The following VPS13B variants were observed in gnomAD, a reference collection of about 807,000 sequenced individuals.
The protein encoded by VPS13B is intermembrane lipid transfer protein VPS13B.
VPS13B carries 285 observed loss-of-function variants against 426.4 expected under a neutral mutation model. The ratio of observed to expected loss-of-function variants is 0.67; its 90% CI spans 0.61 to 0.74. VPS13B has a LOEUF of 0.74. Ranked by LOEUF, VPS13B falls within the 30% of genes least tolerant of loss-of-function variation. The pLI is 0.00. For synonymous variants in VPS13B, 1,676 were observed against 1,676.4 expected, an observed-to-expected ratio of 1.00 and a Z score of 0.01; for missense variants, 4,537 against 4,782.6, an observed-to-expected ratio of 0.95 and a Z score of 1.51.
At chr8:99,407,712 A>G (rs1476024657) in intron 21 of VPS13B, among the ~76,000 whole-genome samples, 1 of 151,898 alleles carries the variant, frequency 6.6e-6, no homozygotes, top group Admixed American at 6.6e-5. Flanking sequence ...GTACATGTGC[A>G]CAACGTGCAG....
intron 33 of VPS13B, among the ~76,000 whole-genome samples, chr8:99,620,745 G>A (rs1473379722): frequency 6.6e-6 from 1 of 151,878 alleles, no homozygotes; most frequent in East Asian, 1.9e-4. Flanking sequence ...GCTGAGGCAG[G>A]TGGATCACCT....
intron 34 of VPS13B, among the ~76,000 whole-genome samples, chr8:99,652,682 G>A (rs535032140): frequency 6.6e-6 from 1 of 151,876 alleles, no homozygotes; most frequent in Admixed American, 6.6e-5. Context: ...TTTAGTTATT[G>A]TGACTTTAAG....
intron 51 of VPS13B, 87 bp from the exon 52 acceptor site, chr8:99,832,279 AAAG>A (rs1434098170): frequency 2.4e-5 from 34 of 1,428,192 alleles, no homozygotes; most frequent in Admixed American, 5.2e-5. Flanking sequence ...AAAGAAAAGA[AAAG>A]AAGATATGCT....
At chr8:99,143,937 C>T (rs1810564415) in intron 13 of VPS13B, among the ~76,000 whole-genome samples, 1 of 152,200 alleles carries the variant, frequency 6.6e-6, no homozygotes, top group Non-Finnish European at 1.5e-5. Context: ...GTTCTGTCTA[C>T]TGGGATGGGA....
intron 34 of VPS13B, among the ~76,000 whole-genome samples, chr8:99,648,266 T>C (rs1304658672): frequency 6.6e-6 from 1 of 152,208 alleles, no homozygotes; most frequent in African/African-American, 2.4e-5. Flanking sequence ...AAGATTAATT[T>C]TGAAGGTTTA....
rs752558934 is a variant in VPS13B, at chr8:99,194,315, C to A, written c.2515+1258C>A. Among the ~76,000 whole-genome samples, 4 of 152,164 alleles carry A rather than the reference C, an allele frequency of 2.6e-5. No individual in the cohort carries two copies. In the South Asian group the frequency reaches 8.3e-4, roughly 32 times the overall value. On this transcript the variant is annotated intron_variant, in intron 17 of 61. Transcript: ENST00000357162. The stretch of plus-strand genomic sequence containing the variant: ...ATTTTAGTGTGTATATAAACACACA[C>A]AGACATACATATTTGTATCCTCTTT...
intron 27 of VPS13B, among the ~76,000 whole-genome samples, chr8:99,504,360 T>A (rs545058439): frequency 6.6e-6 from 1 of 152,316 alleles, no homozygotes; most frequent in East Asian, 1.9e-4. Context: ...CAGTCTCAGG[T>A]ATTCCTTTAT....
chr8:99,481,565 A>G, intron 24 of VPS13B, 34 bp from the exon 25 acceptor site: 1 of 1,602,826 alleles, frequency 6.2e-7, no homozygotes, highest in Non-Finnish European at 8.5e-7. Context: ...AAGTTGAAAG[A>G]CTTGTTTTCT....
chr8:99,138,622 A>G lies in VPS13B; in HGVS notation c.1651+1870A>G, dbSNP rs888647421. Among the ~76,000 whole-genome samples the G allele has an allele frequency of 3.5e-4, 54 of 152,250 alleles. 3 individuals are homozygous for G. ...GATAGTGATAACTATTAAGAAAGCT[A>G]AATAAGAGGAAAATTTTTGGAGGAA... On this transcript the variant is annotated intron_variant, in intron 12 of 61. Transcript: ENST00000357162.
At chr8:99,587,458 A>G (rs1367290945) in intron 33 of VPS13B, among the ~76,000 whole-genome samples, 5 of 151,552 alleles carry the variant, frequency 3.3e-5, no homozygotes, top group Non-Finnish European at 7.4e-5. Context: ...AAGTGTTCCT[A>G]TTTCTCCACA....
At chr8:99,081,796 A>C (rs927607801) in intron 3 of VPS13B, among the ~76,000 whole-genome samples, 1 of 151,922 alleles carries the variant, frequency 6.6e-6, no homozygotes, top group Non-Finnish European at 1.5e-5. Context: ...TTAACTCATC[A>C]TTTTTTATGG....
intron 35 of VPS13B, among the ~76,000 whole-genome samples, chr8:99,684,049 A>G (rs913786134): frequency 2.1e-4 from 32 of 152,070 alleles, no homozygotes; most frequent in African/African-American, 7.0e-4. Flanking sequence ...TGGATATTGA[A>G]TTTTTCAAAA....
intron 29 of VPS13B, among the ~76,000 whole-genome samples, chr8:99,517,267 A>G (rs1296572343): frequency 3.3e-5 from 5 of 152,180 alleles, no homozygotes; most frequent in Non-Finnish European, 7.4e-5. Flanking sequence ...CAACATTCTT[A>G]TATTATCTGA....
chr8:99,791,264 T>C (rs900376508), intron 43 of VPS13B, among the ~76,000 whole-genome samples: 2 of 152,170 alleles, frequency 1.3e-5, no homozygotes, highest in South Asian at 2.1e-4. Context: ...TGGCCAACTT[T>C]CATGGTGTAA....
chr8:99,526,238 G>T (rs1276100082), intron 30 of VPS13B, among the ~76,000 whole-genome samples: 2 of 152,046 alleles, frequency 1.3e-5, no homozygotes, highest in Admixed American at 6.5e-5. Context: ...AAAGAATCAT[G>T]TTAAGAATTA....
At position 99,875,839 on chromosome 8, in the gene VPS13B, T is replaced by C. The variant is rs1817673297; in HGVS notation, c.*173T>C. The C allele has an allele frequency of 1.2e-6, 1 of 803,368 alleles. No individual in the cohort carries two copies. Among genetic ancestry groups the C allele is most frequent in the Non-Finnish European group, 2.0e-6 (1 of 512,432 alleles). 49.8% of individuals were successfully genotyped at this position (803,368 alleles called of 1,614,324 possible). A position where few individuals can be genotyped will look rare whatever the true frequency, so the allele number is the denominator to read the frequency against. Reference sequence around the variant, plus strand: ...GCACCTGCCACCATAAAGGGCTGCATTTTGCCACCATAAAGGGCTGCATTT... The same window carrying C: ...GCACCTGCCACCATAAAGGGCTGCACTTTGCCACCATAAAGGGCTGCATTT... On this transcript the variant is annotated 3_prime_UTR_variant, in exon 62 of 62. Coordinates refer to ENST00000357162, the MANE Select transcript of VPS13B (RefSeq NM_152564.5).
intron 14 of VPS13B, among the ~76,000 whole-genome samples, chr8:99,149,605 A>G (rs1041095277): frequency 6.7e-6 from 1 of 149,130 alleles, no homozygotes; most frequent in Non-Finnish European, 1.5e-5. Flanking sequence ...GGTGTGAGCC[A>G]CCACACCTGG....
At chr8:99,173,375 A>G (rs1163160750) in intron 16 of VPS13B, among the ~76,000 whole-genome samples, 2 of 152,114 alleles carry the variant, frequency 1.3e-5, no homozygotes, top group African/African-American at 4.8e-5. Context: ...TTTTAGTTTT[A>G]ATGGATACTG....
At chr8:99,512,589 C>CA (rs1351875769) in intron 29 of VPS13B, among the ~76,000 whole-genome samples, 2 of 152,128 alleles carry the variant, frequency 1.3e-5, no homozygotes, top group Non-Finnish European at 2.9e-5. Flanking sequence ...GGGAGATTGT[C>CA]AAACTGTTTT....
Sources: allele counts gnomAD v4.1 joint callset (sites outside exome capture counted in the v4.1 genomes callset), GRCh38; gene constraint gnomAD v4.1.1; transcripts MANE v1.5; gene names NCBI Gene and HGNC (gene_info 2026-07-23, HGNC 2026-07-21).